Variants in C3 observed in about 807,000 individuals in gnomAD.
The protein encoded by C3 is complement C3.
C3 carries 97 observed loss-of-function variants against 207.9 expected under a neutral mutation model. The ratio of observed to expected loss-of-function variants is 0.47; its 90% CI spans 0.40 to 0.55. The LOEUF (loss-of-function observed/expected upper bound fraction) is 0.55, where lower values mean the gene tolerates loss of function less well. Among genes scored for constraint, C3 ranks in the 20% least tolerant of loss-of-function variants. The pLI is 0.00. For synonymous variants in C3, 848 were observed against 857.6 expected, an observed-to-expected ratio of 0.99 and a Z score of 0.20; for missense variants, 1,684 against 2,171.7, an observed-to-expected ratio of 0.78 and a Z score of 4.46.
At chr19:6,710,945 C>T in intron 12 of C3, 42 bp downstream of exon 12, 1 of 1,607,732 alleles carries the variant, frequency 6.2e-7, no homozygotes, top group Non-Finnish European at 8.5e-7. Flanking sequence ...GCGGAAGAAA[C>T]AAGGAGGAGG....
chr19:6,682,030 G>T lies in C3; in HGVS notation c.4261C>A (p.Leu1421Met), dbSNP rs1359574180. The change falls in exon 35 of 41, where the codon CTG becomes ATG. Residue 1421 changes from leucine (L) to methionine (M), a missense_variant and splice_region_variant. Physicochemically the swap from Leu to Met is conservative, Grantham distance 15. Transcript: ENST00000245907. ...FAPDTDDLKQ[L>M]ANGVDRYISK... ...ATGTATCTGTCAACACCATTGGCCA[G>T]CTGGGGAAAGGTGGAGCCTGTGAAA... is the stretch of plus-strand genomic sequence containing the variant. The T allele has an allele frequency of 6.2e-7, 1 of 1,613,730 alleles. No individual in the cohort carries two copies. The highest frequency in any genetic ancestry group is 8.5e-7 in the Non-Finnish European group (1 of 1,179,738).
Position 6,686,757 on chromosome 19 carries a change from G to A in C3, c.3635C>T (p.Thr1212Ile), listed in dbSNP as rs1429936605. The A allele has an allele frequency of 1.2e-6, 2 of 1,613,798 alleles. No homozygotes were observed. Among genetic ancestry groups the A allele is most frequent in the African/African-American group, 1.3e-5 (1 of 74,910 alleles). The part of the protein sequence containing the change: ...LKGPLLNKFL[T>I]TAKDKNRWED... ...AGGCCAACCCTCACCTTTGGCTGTG[G>A]TCAGAAATTTGTTAAGAAGAGGCCC... The change falls in exon 28 of 41, where the codon ACC (threonine) becomes ATC (isoleucine). Residue 1212 changes from threonine to isoleucine, a missense_variant. Thr to Ile is a moderately conservative substitution (Grantham distance 89, BLOSUM62 -1). This residue lies in a region of C3 where 1,280 missense variants were observed against 1,739.1 expected (regional missense o/e 0.74). Coordinates refer to ENST00000245907, the MANE Select transcript of C3 (RefSeq NM_000064.4).
chr19:6,709,937 A>G lies in C3; in HGVS notation c.1687-95T>C. 5 of 783,786 alleles carry G rather than the reference A, an allele frequency of 6.4e-6. No homozygotes were observed. In the South Asian group the frequency reaches 7.2e-5, roughly 11 times the overall value. The allele number at this position is 783,786 out of a possible 1,614,324, so 48.6% of individuals were successfully genotyped here. On this transcript the variant is annotated intron_variant, in intron 13 of 40. Transcript: ENST00000245907. ...GCTGGGCTAGAGTGGAAAGACAGAA[A>G]GGTTGGGGGGAGCCGTGGGGCTGGG...
chr19:6,683,599 C>T (rs1334699383), intron 33 of C3, among the ~76,000 whole-genome samples: 4 of 151,798 alleles, frequency 2.6e-5, no homozygotes, highest in South Asian at 2.1e-4. Flanking sequence ...TACAGGCACC[C>T]GCCACCATGC....
chr19:6,704,699 T>A (rs1967737669), intron 17 of C3, among the ~76,000 whole-genome samples: 1 of 151,902 alleles, frequency 6.6e-6, no homozygotes, highest in Non-Finnish European at 1.5e-5. Context: ...GCGGAGGTTG[T>A]AGTGAGCCAA....
chr19:6,695,052 C>G (rs1201327705), intron 23 of C3, among the ~76,000 whole-genome samples: 1 of 152,014 alleles, frequency 6.6e-6, no homozygotes, highest in Admixed American at 6.6e-5. Flanking sequence ...GGGTGGATCA[C>G]CTGAGGTCAG....
rs775667091 is a variant in C3 at position 6,707,087 on chromosome 19, C to T, written c.2234G>A (p.Gly745Asp). 1.2e-6 allele frequency: 2 copies of T among 1,611,872 alleles called. No homozygotes were observed. Among genetic ancestry groups the T allele is most frequent in the South Asian group, 1.1e-5 (1 of 91,000 alleles). The change falls in exon 17 of 41, where the codon GGC becomes GAC. Residue 745 changes from glycine to aspartate, a missense_variant. Around this residue, in one of 3 missense-constraint regions of C3, gnomAD observed 1,280 missense variants for 1,739.1 expected, o/e 0.74. Transcript: ENST00000245907. Reference sequence around the variant, plus strand: ...CCCGTGGGACCTACTCCTGGCCAGGCCCAGGTGGCTGGCCCGCGCGTGCTG... The same window carrying T: ...CCCGTGGGACCTACTCCTGGCCAGGTCCAGGTGGCTGGCCCGCGCGTGCTG... ...RRQHARASHLGLARSNLDEDI... is the reference protein window; with the variant it reads ...RRQHARASHLDLARSNLDEDI...
In C3 at chr19:6,678,175, G is replaced by A. The variant is rs150537373; in HGVS notation, c.4827C>T (p.Ser1609=). 1.6e-4 allele frequency: 260 copies of A among 1,614,086 alleles called. No individual in the cohort carries two copies. The highest frequency in any genetic ancestry group is 2.1e-4 in the Non-Finnish European group (248 of 1,180,040). Reference sequence around the variant, plus strand: ...ACTTGGGCTTCTCTCCCCAGAAATCGGAGGAGAGACCCCACATGAGGTAGT... The same window carrying A: ...ACTTGGGCTTCTCTCCCCAGAAATCAGAGGAGAGACCCCACATGAGGTAGT... The part of the protein sequence containing the change: ...KKHYLMWGLS[S]DFWGEKPNLS... The change falls in exon 40 of 41, where the codon TCC becomes TCT. Residue 1609 remains serine, a synonymous_variant. Transcript: ENST00000245907.
intron 26 of C3, among the ~76,000 whole-genome samples, chr19:6,691,989 A>AAC (rs57940862): frequency 0.12 from 15,728 of 136,632 alleles, 867 homozygotes; most frequent in Middle Eastern, 0.15. Context: ...CTCCATCTCA[A>AAC]ACACACACAC....
Position 6,709,725 on chromosome 19 carries a change from C to A in C3, c.1804G>T (p.Val602Leu). The A allele has an allele frequency of 1.9e-6, 3 of 1,613,834 alleles. No homozygotes were observed. The highest frequency in any genetic ancestry group is 2.5e-6 in the Non-Finnish European group (3 of 1,179,984). The change falls in exon 14 of 41, where the codon GTG becomes TTG. Residue 602 changes from valine to leucine, a missense_variant. Physicochemically the swap from Val to Leu is conservative, Grantham distance 32 (BLOSUM62 1). Transcript: ENST00000245907. Reference sequence around the variant, plus strand: ...TTGTTCTTCTTATTCAGCACGAACACGCCCTTGTCCACGGCCACCAGTACC... The same window carrying A: ...TTGTTCTTCTTATTCAGCACGAACAAGCCCTTGTCCACGGCCACCAGTACC... ...RVVLVAVDKG[V>L]FVLNKKNKLT...
chr19:6,697,061 T>A (rs906560060), intron 21 of C3, among the ~76,000 whole-genome samples: 2,292 of 74,430 alleles, frequency 0.031, 102 homozygotes, highest in Admixed American at 0.046. Context: ...AACAAACAAA[T>A]AAATAAATAA....
intron 17 of C3, among the ~76,000 whole-genome samples, chr19:6,706,268 T>A (rs73498357): frequency 6.6e-6 from 1 of 152,318 alleles, no homozygotes; most frequent in African/African-American, 2.4e-5. Context: ...ACTGGTGATG[T>A]CCAATTCAGA....
intron 1 of C3, among the ~76,000 whole-genome samples, chr19:6,720,064 C>T (rs78968364): frequency 3.7e-4 from 11 of 29,712 alleles, no homozygotes; most frequent in Non-Finnish European, 6.8e-4. Flanking sequence ...AGTCTCCAAA[C>T]ACCCCCAACC....
At chr19:6,694,300 A>T in intron 24 of C3, 131 bp downstream of exon 24, 1 of 786,946 alleles carries the variant, frequency 1.3e-6, no homozygotes, top group Non-Finnish European at 2.1e-6. Context: ...GGGGCCTCAA[A>T]TGAGGGGAGT....
intron 24 of C3, among the ~76,000 whole-genome samples, chr19:6,693,771 G>A (rs1918229545): frequency 6.6e-6 from 1 of 152,142 alleles, no homozygotes; most frequent in Admixed American, 6.5e-5. Flanking sequence ...GGAGTCTCAG[G>A]GAAGAGGCAT....
rs140928439 is a variant in C3, at chr19:6,679,482, G to A, written c.4471C>T (p.Arg1491Trp). The stretch of plus-strand genomic sequence containing the variant: ...TCCTCCTTTTCCGGATGGTAGAACC[G>A]GGTACAGCTTTCCTCTGCGGGCAGA... ...AYYNLEESCT[R>W]FYHPEKEDGK... Residue 1491 changes from arginine (R) to tryptophan (W), a missense_variant, in exon 37 of 41, where the codon CGG (arginine) becomes TGG (tryptophan). Coordinates refer to ENST00000245907, the MANE Select transcript of C3 (RefSeq NM_000064.4). 6.9e-5 allele frequency: 111 copies of A among 1,612,680 alleles called. No individual in the cohort carries two copies. Among genetic ancestry groups the A allele is most frequent in the Middle Eastern group, 3.3e-4 (2 of 6,062 alleles).
chr19:6,686,658 C>G (rs185743944), intron 28 of C3, 88 bp downstream of exon 28: 21 of 1,377,048 alleles, frequency 1.5e-5, no homozygotes, highest in Non-Finnish European at 2.2e-5. Context: ...TGTCCCAGCT[C>G]AGCTAAAAGC....
rs200094017 is a variant in C3 at position 6,697,041 on chromosome 19, CAA to C, written c.2796+301_2796+302del. Among the ~76,000 whole-genome samples the C allele has an allele frequency of 6.7e-3, 481 of 71,276 alleles. 50 individuals are homozygous for C. The highest frequency in any genetic ancestry group is 0.064 in the Admixed American group (364 of 5,710). 46.8% of individuals were successfully genotyped at this position (71,276 alleles called of 152,430 possible). ...TGGGGAACAGAGTGAGACTCTGTCT[CAA>C]AAAAATAAACAAACAAATAAATAAA... On this transcript the variant is annotated intron_variant, in intron 21 of 40. Transcript: ENST00000245907.
intron 19 of C3, among the ~76,000 whole-genome samples, chr19:6,700,525 A>AATATATTATATATGTAAT (rs376554216): frequency 3.6e-5 from 1 of 27,932 alleles, no homozygotes; most frequent in Admixed American, 7.6e-4. Flanking sequence ...TAATATATGT[A>AATATATTATATATGTAAT]ATATGATATA....
Sources: gnomAD v4.1 joint callset for allele counts (sites outside exome capture counted in the v4.1 genomes callset) on GRCh38, gnomAD v4.1.1 for gene constraint, gnomAD v4.1.1 regional missense constraint, MANE v1.5 for transcripts, NCBI Gene and HGNC (gene_info 2026-07-23, HGNC 2026-07-21) for gene names.